The following LMO2 variants were observed in gnomAD, a reference collection of about 807,000 sequenced individuals.
The protein encoded by LMO2 is LIM domain only 2.
LMO2 carries 20 observed loss-of-function variants against 23.2 expected under a neutral mutation model. The ratio of observed to expected loss-of-function variants is 0.86; its 90% CI spans 0.61 to 1.25. The LOEUF is 1.25. Ranked by LOEUF, LMO2 falls within the 50% of genes most tolerant of loss-of-function variation. The pLI, the probability that LMO2 is intolerant of heterozygous loss-of-function variation, is 0.00. For missense variants in LMO2, 270 were observed against 315.3 expected, an observed-to-expected ratio of 0.86 and a Z score of 1.09; for synonymous variants, 123 against 130.2, an observed-to-expected ratio of 0.94 and a Z score of 0.38.
rs569415044 is a variant in LMO2, at chr11:33,873,159, G to T, written c.-271-3172C>A. 1.4e-4 allele frequency among the ~76,000 whole-genome samples: 22 copies of T among 152,100 alleles called. 1 individual carries two copies. In the East Asian group the frequency reaches 1.9e-3, roughly 13 times the overall value. On this transcript the variant is annotated intron_variant, in intron 2 of 5. Transcript: ENST00000257818. ...CAGTTTTTAAATTAAATATATCCTTGGGTTCCAAGAGGTAACCTCAGAACA... is the reference window on the plus strand; with the variant it reads ...CAGTTTTTAAATTAAATATATCCTTTGGTTCCAAGAGGTAACCTCAGAACA...
chr11:33,890,122 T>C (rs564053017), intron 1 of LMO2, among the ~76,000 whole-genome samples: 1 of 152,108 alleles, frequency 6.6e-6, no homozygotes, highest in Non-Finnish European at 1.5e-5. Context: ...TATGGAATAA[T>C]ATACACTGGA....
chr11:33,887,747 T>G (rs10836128), intron 1 of LMO2, among the ~76,000 whole-genome samples: 93,475 of 151,924 alleles, frequency 0.62, 28,867 homozygotes, highest in East Asian at 0.68. Flanking sequence ...TTTGTTTGTT[T>G]GCTTTTTGTA....
chr11:33,887,685 C>T lies in LMO2; in HGVS notation c.-336+4110G>A, dbSNP rs557715433. Among the ~76,000 whole-genome samples the T allele has an allele frequency of 5.3e-5, 8 of 152,172 alleles. No individual in the cohort carries two copies. The South Asian group carries it at 1.7e-3, about 32-fold the overall frequency. ...TCAACCTCCCAAGCAGCTGTGTGTG[C>T]CACCACGCTTGGCTAATTTTTGTTT... On this transcript the variant is annotated intron_variant, in intron 1 of 5. Coordinates refer to ENST00000257818, the MANE Select transcript of LMO2 (RefSeq NM_005574.4).
In LMO2 at chr11:33,864,580, A is replaced by G. The variant is rs575648785; in HGVS notation, c.464+22T>C. ...CACCCAGCCTCCCTTCCGAGGGCCC[A>G]GTGGAGTGCCGGGGAGGGTACCTGA... On this transcript the variant is annotated intron_variant, in intron 5 of 5. Transcript: ENST00000257818. This position sits in a 1 kb window ranked among gnomAD's most constrained non-coding sequence, Gnocchi z 4.8. 5.0e-6 allele frequency: 8 copies of G among 1,600,382 alleles called. No individual in the cohort carries two copies. In the African/African-American group the frequency reaches 1.1e-4, roughly 21 times the overall value.
chr11:33,861,966 G>C (rs1856597648), intron 5 of LMO2, among the ~76,000 whole-genome samples: 1 of 152,164 alleles, frequency 6.6e-6, no homozygotes, highest in Non-Finnish European at 1.5e-5. Flanking sequence ...CTGGGATTCG[G>C]AGATTCTAAT....
intron 1 of LMO2, among the ~76,000 whole-genome samples, chr11:33,882,566 C>G (rs140303139): frequency 6.6e-6 from 1 of 152,194 alleles, no homozygotes; most frequent in South Asian, 2.1e-4. Flanking sequence ...AAAGCCAACA[C>G]GCAGACACCG....
chr11:33,879,489 G>A lies in LMO2; in HGVS notation c.-272+2335C>T, dbSNP rs1040458206. On this transcript the variant is annotated intron_variant, in intron 2 of 5. Coordinates refer to ENST00000257818, the MANE Select transcript of LMO2 (RefSeq NM_005574.4). Reference sequence around the variant, plus strand: ...AAAAAAAAAAAAAAAATAGCCGGGCGTGATGGTGTGTGCCTGTAATCGCAG... The same window carrying A: ...AAAAAAAAAAAAAAAATAGCCGGGCATGATGGTGTGTGCCTGTAATCGCAG... Among the ~76,000 whole-genome samples the A allele has an allele frequency of 1.3e-4, 20 of 151,638 alleles. 1 individual carries two copies. The East Asian group carries it at 3.1e-3, about 23-fold the overall frequency.
intron 2 of LMO2, among the ~76,000 whole-genome samples, chr11:33,873,976 C>CT (rs11358602): frequency 1.1e-4 from 17 of 151,708 alleles, no homozygotes; most frequent in African/African-American, 2.9e-4. Flanking sequence ...ATTTACCTCT[C>CT]TTTTTTTTTC....
chr11:33,869,197 G>A, intron 4 of LMO2, 149 bp downstream of exon 4: 1 of 438,468 alleles, frequency 2.3e-6, no homozygotes, highest in East Asian at 7.3e-5. Context: ...CCGGGAGGAA[G>A]GAGGAGCCCA....
intron 1 of LMO2, among the ~76,000 whole-genome samples, chr11:33,889,186 C>A (rs576206519): frequency 6.6e-6 from 1 of 152,262 alleles, no homozygotes; most frequent in South Asian, 2.1e-4. Flanking sequence ...CTAGGGGTAG[C>A]CATTTGAGCA....
chr11:33,881,074 G>A (rs1857270215), intron 2 of LMO2: 1 of 424,294 alleles, frequency 2.4e-6, no homozygotes, highest in Non-Finnish European at 4.7e-6. Context: ...CCCATACTTA[G>A]AGTATAGCAG....
At chr11:33,882,182 A>G (rs1436971465) in intron 1 of LMO2, among the ~76,000 whole-genome samples, 1 of 151,908 alleles carries the variant, frequency 6.6e-6, no homozygotes, top group Non-Finnish European at 1.5e-5. Flanking sequence ...TTCTTCACTT[A>G]CCAGCCCAGC....
At position 33,859,285 on chromosome 11, in the gene LMO2, G is replaced by T; in HGVS notation, c.*71C>A. On this transcript the variant is annotated 3_prime_UTR_variant, in exon 6 of 6. Coordinates refer to ENST00000257818, the MANE Select transcript of LMO2 (RefSeq NM_005574.4). ...CCTCAAACCCCCAAAGTGCCTAAGA[G>T]TGAAGACGAAGATGCCATGGAGACG... is the stretch of plus-strand genomic sequence containing the variant. 1 of 1,169,592 alleles carries T rather than the reference G, an allele frequency of 8.5e-7. No homozygotes were observed. The highest frequency in any genetic ancestry group is 1.3e-6 in the Non-Finnish European group (1 of 793,944). 72.5% of individuals were successfully genotyped at this position (1,169,592 alleles called of 1,614,324 possible).
At chr11:33,861,331 C>G (rs182714056) in intron 5 of LMO2, among the ~76,000 whole-genome samples, 6 of 152,254 alleles carry the variant, frequency 3.9e-5, no homozygotes, top group Admixed American at 3.9e-4. Flanking sequence ...TGGGTACATT[C>G]TGAGAGGTTG....
At chr11:33,869,296 C>G in intron 4 of LMO2, 50 bp downstream of exon 4, 1 of 1,123,684 alleles carries the variant, frequency 8.9e-7, no homozygotes, top group Non-Finnish European at 1.1e-6. Context: ...CGCTCCGGGA[C>G]GCGAGGCCGT....
intron 2 of LMO2, chr11:33,871,034 G>A (rs564738202): frequency 2.0e-6 from 2 of 981,136 alleles, no homozygotes; most frequent in Non-Finnish European, 2.4e-6. Context: ...TTGTAAAGAG[G>A]GAACGTACTT....
At position 33,864,959 on chromosome 11, in the gene LMO2, C is replaced by T; in HGVS notation, c.249-142G>A. On this transcript the variant is annotated intron_variant, in intron 4 of 5. Transcript: ENST00000257818. The surrounding 1 kb of genome is among the most constrained non-coding windows in gnomAD (Gnocchi z 4.8). ...GGGAGAAGGGACAGGACAACACATCCCTTGGCCAGACTGCAGAGTCCCAAC... is the reference window on the plus strand; with the variant it reads ...GGGAGAAGGGACAGGACAACACATCTCTTGGCCAGACTGCAGAGTCCCAAC... 1 of 755,638 alleles carries T rather than the reference C, an allele frequency of 1.3e-6. No homozygotes were observed. The highest frequency in any genetic ancestry group is 2.3e-6 in the Non-Finnish European group (1 of 439,558). 46.8% of individuals were successfully genotyped at this position (755,638 alleles called of 1,614,324 possible).
intron 1 of LMO2, among the ~76,000 whole-genome samples, chr11:33,886,446 TAGA>T (rs1256845228): frequency 6.6e-6 from 1 of 152,168 alleles, no homozygotes; most frequent in African/African-American, 2.4e-5. Flanking sequence ...CATGGTGTTG[TAGA>T]AGAATTGTAC....
At chr11:33,879,316 A>AGAT (rs1857207684) in intron 2 of LMO2, among the ~76,000 whole-genome samples, 1 of 152,114 alleles carries the variant, frequency 6.6e-6, no homozygotes, top group African/African-American at 2.4e-5. Flanking sequence ...ATCTGATAAG[A>AGAT]GATTAAGATC....
Sources: gnomAD v4.1 joint callset for allele counts (sites outside exome capture counted in the v4.1 genomes callset) on GRCh38, gnomAD v4.1.1 for gene constraint, Gnocchi (gnomAD v3.1) non-coding constraint, MANE v1.5 for transcripts, NCBI Gene and HGNC (gene_info 2026-07-23, HGNC 2026-07-21) for gene names.